Variants in CACNA1I observed in about 807,000 individuals in gnomAD.
The protein encoded by CACNA1I is voltage-dependent T-type calcium channel subunit alpha-1I.
Under a neutral mutation model 201.6 loss-of-function variants are expected in CACNA1I, and 74 were observed. The ratio of observed to expected loss-of-function variants is 0.37; its 90% CI spans 0.30 to 0.45. The LOEUF is 0.45. CACNA1I is among the 20% of genes least tolerant of loss of function. The probability of loss-of-function intolerance (pLI) is 1.00; values close to 1 mark genes in which losing one functional copy is unlikely to be tolerated. For synonymous variants in CACNA1I, 1,431 were observed against 1,345.2 expected (o/e 1.06, Z -1.40); for missense variants, 2,346 against 3,138.1 (o/e 0.75, Z 6.03).
rs916748862 is a variant in CACNA1I, at chr22:39,629,343, C to T, written c.581-5222C>T. ...ATGGAGCCCCACCCCCGCTGAAGGC[C>T]GCTCTGTGGCTCCAGGCCCCAAACC... On this transcript the variant is annotated intron_variant, in intron 4 of 36. Transcript: ENST00000402142. This position sits in a 1 kb window ranked among gnomAD's most constrained non-coding sequence, Gnocchi z 4.8. Among the ~76,000 whole-genome samples, 2 of 152,136 alleles carry T rather than the reference C, an allele frequency of 1.3e-5. No individual in the cohort carries two copies. Among genetic ancestry groups the T allele is most frequent in the African/African-American group, 2.4e-5 (1 of 41,448 alleles).
intron 2 of CACNA1I, 32 bp downstream of exon 2, chr22:39,598,294 G>GCCCTT (rs780654427): frequency 1.2e-6 from 1 of 839,368 alleles, no homozygotes. Context: ...GCCCCGCCCT[G>GCCCTT]CCCTCATCCT....
intron 10 of CACNA1I, among the ~76,000 whole-genome samples, chr22:39,653,071 G>GAGAACC (rs1934695523): frequency 7.5e-6 from 1 of 132,620 alleles, no homozygotes; most frequent in Admixed American, 7.0e-5. Context: ...TGACTGCATT[G>GAGAACC]TGGGTGCACG....
chr22:39,661,145 G>A lies in CACNA1I; in HGVS notation c.2736G>A (p.Gly912=). ...GCCCAATCCCCATGACCCCCAATGG[G>A]CACCTGGACCCCAGTCTCCCACTGG... ...KLCPIPMTPN[G]HLDPSLPLGG... Residue 912 remains glycine (G), a synonymous_variant, in exon 16 of 37, where the codon GGG becomes GGA. Coordinates refer to ENST00000402142, the MANE Select transcript of CACNA1I (RefSeq NM_021096.4). 1 of 1,613,238 alleles carries A rather than the reference G, an allele frequency of 6.2e-7. No individual in the cohort carries two copies. The highest frequency in any genetic ancestry group is 8.5e-7 in the Non-Finnish European group (1 of 1,179,770).
chr22:39,620,505 G>C (rs1457038156), intron 4 of CACNA1I, among the ~76,000 whole-genome samples: 1 of 152,194 alleles, frequency 6.6e-6, no homozygotes. Context: ...TCCATGACCT[G>C]TTTTGAGCCT....
At chr22:39,672,162 T>C (rs769295715) in intron 26 of CACNA1I, 37 bp from the exon 27 acceptor site, 1 of 1,370,000 alleles carries the variant, frequency 7.3e-7, no homozygotes, top group Admixed American at 1.7e-5. Flanking sequence ...GAGCAGGTCA[T>C]GTGCCCTGGA....
At chr22:39,681,719 C>T (rs1299038551) in intron 34 of CACNA1I, among the ~76,000 whole-genome samples, 2 of 151,274 alleles carry the variant, frequency 1.3e-5, no homozygotes, top group African/African-American at 4.9e-5. Flanking sequence ...TGGTCCTGCC[C>T]TGCTGGGGGT....
intron 3 of CACNA1I, among the ~76,000 whole-genome samples, chr22:39,603,560 G>A (rs533612744): frequency 6.6e-6 from 1 of 152,078 alleles, no homozygotes; most frequent in East Asian, 1.9e-4. Flanking sequence ...TTTTATGGAT[G>A]CCTGCTCTTG....
chr22:39,619,507 C>T (rs1260635441), intron 4 of CACNA1I, 100 bp downstream of exon 4: 9 of 856,876 alleles, frequency 1.1e-5, no homozygotes, highest in East Asian at 4.9e-5. Flanking sequence ...CACCCTGCTT[C>T]GTTCACTTGG....
chr22:39,619,777 T>C (rs1231459211), intron 4 of CACNA1I, among the ~76,000 whole-genome samples: 1 of 152,136 alleles, frequency 6.6e-6, no homozygotes, highest in Non-Finnish European at 1.5e-5. Context: ...GAGGACGTCG[T>C]AGAGCATTTC....
chr22:39,584,714 C>T (rs2094723467), intron 1 of CACNA1I, among the ~76,000 whole-genome samples: 1 of 152,216 alleles, frequency 6.6e-6, no homozygotes, highest in Admixed American at 6.5e-5. Context: ...CTTGCATGGG[C>T]ACAAGTTGCA....
chr22:39,679,399 G>T lies in CACNA1I; in HGVS notation c.5348G>T (p.Gly1783Val). ...GRGPGGAGGG[G>V]DTEGGLCRRC... is the part of the protein sequence containing the mutation. ...GGGCCGGGAGGGGCGGGCGGCGGGG[G>T]CGACACCGAGGGCGGCTTGTGCCGG... Residue 1783 changes from glycine to valine, a missense_variant, in exon 32 of 37, where the codon GGC becomes GTC. Gly to Val is a moderately radical substitution (Grantham distance 109). Transcript: ENST00000402142. 6.8e-7 allele frequency: 1 copy of T among 1,462,740 alleles called. No individual in the cohort carries two copies. The highest frequency in any genetic ancestry group is 2.4e-4 in the Middle Eastern group (1 of 4,196). 90.6% of individuals were successfully genotyped at this position (1,462,740 alleles called of 1,614,324 possible). A position where few individuals can be genotyped will look rare whatever the true frequency, so the allele number is the denominator to read the frequency against.
At chr22:39,664,703 CGCGGCAG>C (rs1601513852) in intron 20 of CACNA1I, 29 bp from the exon 21 acceptor site, 3 of 1,092,550 alleles carry the variant, frequency 2.7e-6, no homozygotes, top group South Asian at 1.4e-5. Flanking sequence ...CCGCCCCTCC[CGCGGCAG>C]CCTGACCCCG....
intron 4 of CACNA1I, among the ~76,000 whole-genome samples, chr22:39,631,593 T>C (rs1413271174): frequency 6.6e-6 from 1 of 152,070 alleles, no homozygotes; most frequent in East Asian, 1.9e-4. Flanking sequence ...TGGTGGGAGA[T>C]GAAGTAGAAA....
At chr22:39,681,082 C>G (rs770191973) in intron 34 of CACNA1I, 30 bp downstream of exon 34, 2 of 1,587,398 alleles carry the variant, frequency 1.3e-6, no homozygotes, top group Non-Finnish European at 1.7e-6. Flanking sequence ...CCTGAGCAGG[C>G]GGGTCTGTCC....
At chr22:39,679,947 G>A (rs781146127) in intron 33 of CACNA1I, 79 bp downstream of exon 33, 148 of 1,436,618 alleles carry the variant, frequency 1.0e-4, no homozygotes, top group Non-Finnish European at 1.3e-4. Context: ...CGAGGGCAGA[G>A]CCTGGCTCTG....
chr22:39,650,451 C>T (rs1934613965), intron 10 of CACNA1I, among the ~76,000 whole-genome samples: 1 of 152,208 alleles, frequency 6.6e-6, no homozygotes, highest in Non-Finnish European at 1.5e-5. Context: ...CAAGCCTGGC[C>T]ACCTGGGCCC....
At chr22:39,654,697 G>A (rs998870231) in intron 10 of CACNA1I, among the ~76,000 whole-genome samples, 3 of 152,160 alleles carry the variant, frequency 2.0e-5, no homozygotes, top group Non-Finnish European at 4.4e-5. Context: ...AGCAGTCATG[G>A]AAGGCTTCCT....
At chr22:39,598,068 G>A in intron 1 of CACNA1I, 83 bp from the exon 2 acceptor site, 1 of 738,300 alleles carries the variant, frequency 1.4e-6, no homozygotes, top group Admixed American at 2.1e-5. Context: ...GTGTGTGGTG[G>A]GTTGCGGGTA....
Position 39,664,765 on chromosome 22 carries a change from C to G in CACNA1I, c.3693C>G (p.Gly1231=). ...TAGTCTCGCTGGGCCTGTACTTCGG[C>G]GAGCAGGCGTACCTACGCAGCAGCT... The part of the protein sequence containing the change: ...LKVVSLGLYF[G]EQAYLRSSWN... Residue 1231 remains glycine, a synonymous_variant, in exon 21 of 37, where the codon GGC becomes GGG. Transcript: ENST00000402142. 3.3e-6 allele frequency: 5 copies of G among 1,515,490 alleles called. No homozygotes were observed. Among genetic ancestry groups the G allele is most frequent in the Non-Finnish European group, 4.5e-6 (5 of 1,122,774 alleles). The allele number at this position is 1,515,490 out of a possible 1,614,324, so 93.9% of individuals were successfully genotyped here. A position where few individuals can be genotyped will look rare whatever the true frequency, so the allele number is the denominator to read the frequency against.
Sources: allele counts gnomAD v4.1 joint callset (sites outside exome capture counted in the v4.1 genomes callset), GRCh38; gene constraint gnomAD v4.1.1; non-coding constraint Gnocchi (gnomAD v3.1); transcripts MANE v1.5; gene names NCBI Gene and HGNC (gene_info 2026-07-23, HGNC 2026-07-21).